Variants in UNC13C observed in about 807,000 individuals in gnomAD.
The protein encoded by UNC13C is protein unc-13 homolog C.
In UNC13C, 174 loss-of-function variants were observed where a neutral mutation model predicts 245.4. The observed-to-expected ratio is 0.71, with a 90% CI of 0.63 to 0.80. UNC13C has a LOEUF of 0.80. Ranked by LOEUF, UNC13C falls within the 30% of genes least tolerant of loss-of-function variation. The probability of loss-of-function intolerance (pLI) is 0.00; values close to 1 mark genes in which losing one functional copy is unlikely to be tolerated. For missense variants in UNC13C, 2,829 were observed against 2,602.9 expected (o/e 1.09, Z -1.89); for synonymous variants, 992 against 895.1 (o/e 1.11, Z -1.93).
At chr15:53,897,689 A>G in the UNC13C span, among the ~76,000 whole-genome samples, 1 of 152,230 alleles carries the variant, frequency 6.6e-6, no homozygotes, top group Admixed American at 6.5e-5. Flanking sequence ...CATTTTGGCC[A>G]CTTTTCCTGA....
chr15:53,876,321 C>G, the UNC13C span, among the ~76,000 whole-genome samples: 1 of 152,150 alleles, frequency 6.6e-6, no homozygotes. Context: ...GGCACCTGCT[C>G]AGCTGAGCCC....
At chr15:54,138,748 C>G (rs1245475852) in intron 2 of UNC13C, among the ~76,000 whole-genome samples, 1 of 151,658 alleles carries the variant, frequency 6.6e-6, no homozygotes, top group Non-Finnish European at 1.5e-5. Context: ...AATTGAGTGA[C>G]TTAGAGTAGC....
intron 19 of UNC13C, among the ~76,000 whole-genome samples, chr15:54,444,816 A>G (rs1388553466): frequency 6.6e-6 from 1 of 151,542 alleles, no homozygotes; most frequent in Non-Finnish European, 1.5e-5. Context: ...ACTTTTATAT[A>G]TATGTATTTT....
Position 54,274,667 on chromosome 15 carries a change from C to CTTTTTTTTTTTT in UNC13C, c.3818+9182_3818+9193dup, listed in dbSNP as rs10646701. On this transcript the variant is annotated intron_variant, in intron 10 of 32. Coordinates refer to ENST00000260323, the MANE Select transcript of UNC13C (RefSeq NM_001080534.3). The stretch of plus-strand genomic sequence containing the variant: ...ATGGTTAAAAAGCTAATAAAGTAGA[C>CTTTTTTTTTTTT]TTTTTTTTTTTTTTTTTTTTTTGAG... Among the ~76,000 whole-genome samples, 18 of 91,584 alleles carry CTTTTTTTTTTTT rather than the reference C, an allele frequency of 2.0e-4. 1 individual carries two copies. The highest frequency in any genetic ancestry group is 3.2e-4 in the East Asian group (1 of 3,094). The allele number at this position is 91,584 out of a possible 152,430, so 60.1% of individuals were successfully genotyped here.
chr15:54,066,319 C>G (rs529721553), intron 2 of UNC13C, among the ~76,000 whole-genome samples: 11 of 152,330 alleles, frequency 7.2e-5, no homozygotes, highest in African/African-American at 2.4e-4. Context: ...TTCTTTTTCC[C>G]TTCTCTGATG....
chr15:54,066,739 G>A (rs2070453405), intron 2 of UNC13C, among the ~76,000 whole-genome samples: 1 of 152,112 alleles, frequency 6.6e-6, no homozygotes, highest in African/African-American at 2.4e-5. Flanking sequence ...CCAGAGATGA[G>A]GCCAGTGGCT....
intron 13 of UNC13C, among the ~76,000 whole-genome samples, chr15:54,305,824 A>G (rs1258981000): frequency 2.0e-5 from 3 of 152,070 alleles, no homozygotes; most frequent in Non-Finnish European, 4.4e-5. Context: ...AATTCTGTGG[A>G]TTTTCCTAGA....
At chr15:54,080,953 A>G (rs1209711014) in intron 2 of UNC13C, among the ~76,000 whole-genome samples, 1 of 151,942 alleles carries the variant, frequency 6.6e-6, no homozygotes, top group African/African-American at 2.4e-5. Flanking sequence ...TAGCGCTATA[A>G]AATTTCCTCT....
At chr15:54,158,854 T>C (rs978011066) in intron 4 of UNC13C, among the ~76,000 whole-genome samples, 1 of 152,062 alleles carries the variant, frequency 6.6e-6, no homozygotes, top group African/African-American at 2.4e-5. Flanking sequence ...GGTCTCACTA[T>C]GCTGCCCAGG....
At chr15:54,136,845 CTTTT>C (rs71132781) in intron 2 of UNC13C, among the ~76,000 whole-genome samples, 1 of 148,512 alleles carries the variant, frequency 6.7e-6, no homozygotes, top group Non-Finnish European at 1.5e-5. Flanking sequence ...TTGTGTATCA[CTTTT>C]TTTTTTTTAA....
the UNC13C span, among the ~76,000 whole-genome samples, chr15:53,919,554 G>A: frequency 1.1e-4 from 16 of 152,284 alleles, no homozygotes; most frequent in African/African-American, 3.4e-4. Flanking sequence ...ACACCAGCAC[G>A]TGTCCATCTC....
chr15:53,950,366 T>G, the UNC13C span, among the ~76,000 whole-genome samples: 37 of 152,158 alleles, frequency 2.4e-4, no homozygotes, highest in Admixed American at 2.4e-3. Context: ...CTTAAATAAG[T>G]TTTTTCCCCT....
At chr15:53,932,813 A>G in the UNC13C span, among the ~76,000 whole-genome samples, 1 of 152,100 alleles carries the variant, frequency 6.6e-6, no homozygotes, top group Non-Finnish European at 1.5e-5. Flanking sequence ...CCTAGGTCAA[A>G]TCTCTTTTCA....
chr15:54,135,578 C>T (rs1391278070), intron 2 of UNC13C, among the ~76,000 whole-genome samples: 2 of 152,146 alleles, frequency 1.3e-5, no homozygotes, highest in Non-Finnish European at 2.9e-5. Flanking sequence ...ATTGTGTATT[C>T]TTGGCACCTT....
intron 2 of UNC13C, among the ~76,000 whole-genome samples, chr15:54,034,322 G>C (rs1468087382): frequency 6.6e-6 from 1 of 152,148 alleles, no homozygotes; most frequent in African/African-American, 2.4e-5. Context: ...TTTTGTCTTA[G>C]GTGTTAGGCA....
At chr15:53,890,919 C>T in the UNC13C span, among the ~76,000 whole-genome samples, 1 of 152,060 alleles carries the variant, frequency 6.6e-6, no homozygotes, top group Middle Eastern at 3.4e-3. Context: ...TTGAATTTAT[C>T]TGCTGTTGCT....
intron 4 of UNC13C, among the ~76,000 whole-genome samples, chr15:54,234,708 G>A (rs993324147): frequency 1.3e-5 from 2 of 152,088 alleles, no homozygotes; most frequent in African/African-American, 4.8e-5. Context: ...TTTCCTCCTG[G>A]AGGTAAGAAG....
At chr15:54,529,343 A>C (rs1350774534) in intron 25 of UNC13C, among the ~76,000 whole-genome samples, 1 of 152,222 alleles carries the variant, frequency 6.6e-6, no homozygotes, top group Non-Finnish European at 1.5e-5. Context: ...ACATTTATTA[A>C]AATTTTTCCA....
intron 17 of UNC13C, among the ~76,000 whole-genome samples, chr15:54,381,142 G>A (rs924663149): frequency 3.9e-5 from 6 of 152,194 alleles, no homozygotes; most frequent in Admixed American, 6.5e-5. Flanking sequence ...TGTGTCTGGT[G>A]TCAAATAAGG....
Sources: gnomAD v4.1 joint callset for allele counts (sites outside exome capture counted in the v4.1 genomes callset) on GRCh38, gnomAD v4.1.1 for gene constraint, MANE v1.5 for transcripts, NCBI Gene and HGNC (gene_info 2026-07-23, HGNC 2026-07-21) for gene names.